Variants in SSBP2 observed in about 807,000 individuals in gnomAD.
SSBP2 encodes the protein single-stranded DNA-binding protein 2.
Under a neutral mutation model 61.8 loss-of-function variants are expected in SSBP2, and 17 were observed. The observed-to-expected ratio is 0.28, with a 90% CI of 0.19 to 0.41. The LOEUF is 0.41. Ranked by LOEUF, SSBP2 falls within the 10% of genes least tolerant of loss-of-function variation. SSBP2 has a pLI of 1.00. For synonymous variants in SSBP2, 139 were observed against 141.3 expected (o/e 0.98, Z 0.12); for missense variants, 310 against 458.7 (o/e 0.68, Z 2.96).
intron 1 of SSBP2, among the ~76,000 whole-genome samples, chr5:81,670,541 T>C (rs111488123): frequency 1.1e-3 from 162 of 152,262 alleles, no homozygotes; most frequent in African/African-American, 3.5e-3. Context: ...GTCAACATAC[T>C]ATAACCAAGA....
chr5:81,598,630 T>C (rs1008107299), intron 4 of SSBP2, among the ~76,000 whole-genome samples: 1 of 152,228 alleles, frequency 6.6e-6, no homozygotes, highest in Non-Finnish European at 1.5e-5. Context: ...TGGATTTTTA[T>C]AAAGCACAAA....
At chr5:81,734,164 G>A (rs62366310) in intron 1 of SSBP2, among the ~76,000 whole-genome samples, 11,009 of 152,112 alleles carry the variant, frequency 0.072, 502 homozygotes, top group Non-Finnish European at 0.099. Flanking sequence ...ACCTATACTT[G>A]TTTCTTTGCC....
At chr5:81,551,235 C>A (rs745386513) in intron 4 of SSBP2, among the ~76,000 whole-genome samples, 1 of 151,876 alleles carries the variant, frequency 6.6e-6, no homozygotes, top group African/African-American at 2.4e-5. Flanking sequence ...TATCTCACTA[C>A]ACTAAAAATA....
intron 1 of SSBP2, among the ~76,000 whole-genome samples, chr5:81,728,232 T>C (rs1581431710): frequency 6.6e-6 from 1 of 152,336 alleles, no homozygotes; most frequent in East Asian, 1.9e-4. Flanking sequence ...GACTTTTTCT[T>C]ATCCCTTTTT....
intron 1 of SSBP2, among the ~76,000 whole-genome samples, chr5:81,687,062 T>C (rs1420390362): frequency 6.6e-6 from 1 of 152,098 alleles, no homozygotes; most frequent in Non-Finnish European, 1.5e-5. Flanking sequence ...TAACAGTACC[T>C]GGTTTTAACT....
Position 81,437,461 on chromosome 5 carries a change from G to A in SSBP2, c.929-3C>T, listed in dbSNP as rs776370180. ...AATACTGTCCATATCTCCTGAGCCTGAAACAAAATATAAAAAGAAAGCCTT... is the reference window on the plus strand; with the variant it reads ...AATACTGTCCATATCTCCTGAGCCTAAAACAAAATATAAAAAGAAAGCCTT... On this transcript the variant is annotated splice_region_variant and splice_polypyrimidine_tract_variant and intron_variant, in intron 14 of 16. Coordinates refer to ENST00000320672, the MANE Select transcript of SSBP2 (RefSeq NM_012446.5). 34 of 1,602,626 alleles carry A rather than the reference G, an allele frequency of 2.1e-5. No individual in the cohort carries two copies. In the South Asian group the frequency reaches 3.7e-4, roughly 18 times the overall value.
intron 5 of SSBP2, among the ~76,000 whole-genome samples, chr5:81,505,591 A>G (rs945057778): frequency 6.6e-6 from 1 of 151,998 alleles, no homozygotes; most frequent in Admixed American, 6.6e-5. Flanking sequence ...CTCTATATAA[A>G]TTTTTTTTAT....
chr5:81,452,289 T>G (rs1189711777), intron 10 of SSBP2, among the ~76,000 whole-genome samples: 1 of 152,150 alleles, frequency 6.6e-6, no homozygotes, highest in Non-Finnish European at 1.5e-5. Flanking sequence ...TAAAATCCTT[T>G]TTTATTTTTA....
At chr5:81,554,956 TA>T (rs1772481887) in intron 4 of SSBP2, among the ~76,000 whole-genome samples, 2 of 152,168 alleles carry the variant, frequency 1.3e-5, no homozygotes, top group South Asian at 4.1e-4. Context: ...CATTGAACTT[TA>T]TAGTGAGCAT....
At chr5:81,446,844 A>G (rs531568718) in intron 12 of SSBP2, 24 bp downstream of exon 12, 22 of 1,597,156 alleles carry the variant, frequency 1.4e-5, no homozygotes, top group Non-Finnish European at 1.9e-5. Context: ...TCAAATGCCC[A>G]TGTGGCTAGT....
chr5:81,574,991 C>T (rs1007723362), intron 4 of SSBP2, among the ~76,000 whole-genome samples: 1 of 152,160 alleles, frequency 6.6e-6, no homozygotes, highest in East Asian at 1.9e-4. Flanking sequence ...AAGCTCAGAC[C>T]GGGTGCAGTA....
At chr5:81,602,708 C>T (rs1016558753) in intron 4 of SSBP2, among the ~76,000 whole-genome samples, 3 of 152,300 alleles carry the variant, frequency 2.0e-5, no homozygotes, top group Admixed American at 6.5e-5. Flanking sequence ...TCAGTTTTCT[C>T]TATCCATATA....
At chr5:81,533,361 T>C (rs1315493868) in intron 4 of SSBP2, among the ~76,000 whole-genome samples, 1 of 151,580 alleles carries the variant, frequency 6.6e-6, no homozygotes, top group Non-Finnish European at 1.5e-5. Context: ...ATATCAAAAT[T>C]TGTGGGGTAA....
intron 10 of SSBP2, among the ~76,000 whole-genome samples, chr5:81,455,434 A>G (rs1242952251): frequency 1.7e-5 from 1 of 59,692 alleles, no homozygotes; most frequent in Non-Finnish European, 2.9e-5. Flanking sequence ...CCTGGCTAAC[A>G]AGGTGAAACC....
chr5:81,530,649 AAC>A (rs1480924063), intron 4 of SSBP2, among the ~76,000 whole-genome samples: 1 of 152,100 alleles, frequency 6.6e-6, no homozygotes, highest in Non-Finnish European at 1.5e-5. Flanking sequence ...TATAGGAGAA[AAC>A]ACAAACTATT....
At chr5:81,634,516 T>C (rs1748023339) in intron 3 of SSBP2, among the ~76,000 whole-genome samples, 1 of 152,262 alleles carries the variant, frequency 6.6e-6, no homozygotes, top group Non-Finnish European at 1.5e-5. Flanking sequence ...CGGTCATTTA[T>C]ATTTGGCTCA....
At chr5:81,718,435 A>G (rs1198882904) in intron 1 of SSBP2, among the ~76,000 whole-genome samples, 2 of 152,188 alleles carry the variant, frequency 1.3e-5, no homozygotes, top group African/African-American at 2.4e-5. Context: ...AAGCAGGCAA[A>G]GTAAGCTAGC....
At chr5:81,454,060 T>C (rs1235920071) in intron 10 of SSBP2, among the ~76,000 whole-genome samples, 2 of 152,170 alleles carry the variant, frequency 1.3e-5, no homozygotes, top group Non-Finnish European at 2.9e-5. Context: ...TCATTACCTG[T>C]TATGTTTCAG....
intron 1 of SSBP2, among the ~76,000 whole-genome samples, chr5:81,678,382 G>A (rs1054983516): frequency 2.6e-5 from 4 of 151,924 alleles, no homozygotes; most frequent in African/African-American, 9.7e-5. Context: ...GAAAAAGACT[G>A]CAAAAAATAA....
Sources: gnomAD v4.1 joint callset for allele counts (sites outside exome capture counted in the v4.1 genomes callset) on GRCh38, gnomAD v4.1.1 for gene constraint, MANE v1.5 for transcripts, NCBI Gene and HGNC (gene_info 2026-07-23, HGNC 2026-07-21) for gene names.